The following ST13 variants were observed in gnomAD, a reference collection of about 807,000 sequenced individuals.
ST13 encodes hsc70-interacting protein.
Under a neutral mutation model 56.7 loss-of-function variants are expected in ST13, and 23 were observed. The observed-to-expected ratio is 0.41, with a 90% CI of 0.29 to 0.57. ST13 has a LOEUF of 0.57. Among genes scored for constraint, ST13 ranks in the 20% least tolerant of loss-of-function variants. The pLI, the probability that ST13 is intolerant of heterozygous loss-of-function variation, is 0.36. For synonymous variants in ST13, 132 were observed against 142.4 expected (o/e 0.93, Z 0.52); for missense variants, 369 against 459.9 (o/e 0.80, Z 1.81).
chr22:40,846,243 T>C (rs1265021065), intron 3 of ST13, among the ~76,000 whole-genome samples: 1 of 152,154 alleles, frequency 6.6e-6, no homozygotes, highest in Non-Finnish European at 1.5e-5. Context: ...ACCTCAGGCA[T>C]ACCTCATTTT....
At chr22:40,850,962 CGTTAGACA>C (rs2057858436) in intron 1 of ST13, 82 bp from the exon 2 acceptor site, 1 of 962,954 alleles carries the variant, frequency 1.0e-6, no homozygotes, top group East Asian at 2.6e-5. Context: ...TAAAAAATAA[CGTTAGACA>C]TTTAGATGAC....
At chr22:40,856,013 T>C (rs989316848) in intron 1 of ST13, among the ~76,000 whole-genome samples, 5 of 151,878 alleles carry the variant, frequency 3.3e-5, no homozygotes, top group African/African-American at 1.2e-4. Context: ...TAGTGTTATA[T>C]TATTATAACA....
rs1193878316 is a variant in ST13 at position 40,833,961 on chromosome 22, CTG to C, written c.579-1292_579-1291del. ...AAGTAACTTTTCATAGTTATCTTGA[CTG>C]TATATTTCAAGTGGGATATATATTC... On this transcript the variant is annotated intron_variant, in intron 7 of 11. Transcript: ENST00000216218. 3.3e-5 allele frequency among the ~76,000 whole-genome samples: 5 copies of C among 152,074 alleles called. 1 individual carries two copies. In the South Asian group the frequency reaches 8.3e-4, roughly 25 times the overall value.
intron 4 of ST13, among the ~76,000 whole-genome samples, chr22:40,843,997 C>T (rs1490031185): frequency 6.6e-6 from 1 of 151,896 alleles, no homozygotes; most frequent in South Asian, 2.1e-4. Flanking sequence ...ATTCTCCTGC[C>T]TCAGCCTCCC....
rs2057719624 is a variant in ST13 at position 40,824,681 on chromosome 22, A to T, written c.*1857T>A. On this transcript the variant is annotated 3_prime_UTR_variant, in exon 12 of 12. Transcript: ENST00000216218. Reference sequence around the variant, plus strand: ...ATTAGGTTAAATAAATCAAATAAGGAATCCAGAAGAAACTGTTCTTGAGTT... The same window carrying T: ...ATTAGGTTAAATAAATCAAATAAGGTATCCAGAAGAAACTGTTCTTGAGTT... The T allele has an allele frequency of 6.6e-6, 1 of 152,218 alleles. No homozygotes were observed. The highest frequency in any genetic ancestry group is 1.5e-5 in the Non-Finnish European group (1 of 68,042). The allele number at this position is 152,218 out of a possible 1,614,324, so 9.4% of individuals were successfully genotyped here. A position where few individuals can be genotyped will look rare whatever the true frequency, so the allele number is the denominator to read the frequency against.
intron 4 of ST13, 55 bp downstream of exon 4, chr22:40,844,784 A>G (rs1179200663): frequency 7.1e-7 from 1 of 1,412,422 alleles, no homozygotes; most frequent in Admixed American, 1.7e-5. Context: ...TCATTGCAAC[A>G]GCAGGACCTT....
intron 10 of ST13, among the ~76,000 whole-genome samples, chr22:40,828,603 G>A (rs2057739866): frequency 6.6e-6 from 1 of 151,596 alleles, no homozygotes; most frequent in African/African-American, 2.4e-5. Flanking sequence ...ACAGAGCGAG[G>A]CTCTGTCTCA....
In ST13 at chr22:40,840,610, C is replaced by G; in HGVS notation, c.382+16G>C. 1 of 1,604,596 alleles carries G rather than the reference C, an allele frequency of 6.2e-7. No individual in the cohort carries two copies. Reference sequence around the variant, plus strand: ...TATTCTGACTACCATAGAAATGTAGCAAAAAGATTACTCACCATCATTTAG... The same window carrying G: ...TATTCTGACTACCATAGAAATGTAGGAAAAAGATTACTCACCATCATTTAG... On this transcript the variant is annotated intron_variant, in intron 5 of 11. Coordinates refer to ENST00000216218, the MANE Select transcript of ST13 (RefSeq NM_003932.5).
At chr22:40,849,467 G>T (rs2057849856) in intron 2 of ST13, among the ~76,000 whole-genome samples, 1 of 124,692 alleles carries the variant, frequency 8.0e-6, no homozygotes, top group African/African-American at 3.1e-5. Context: ...GCAACAGAGT[G>T]AGACTCTGTC....
At chr22:40,843,460 T>A in intron 4 of ST13, among the ~76,000 whole-genome samples, 1 of 151,444 alleles carries the variant, frequency 6.6e-6, no homozygotes. Flanking sequence ...AGAAAAAAAA[T>A]AGACAAGCAG....
At chr22:40,840,938 G>A (rs554699552) in intron 4 of ST13, among the ~76,000 whole-genome samples, 13 of 151,882 alleles carry the variant, frequency 8.6e-5, no homozygotes, top group African/African-American at 2.2e-4. Flanking sequence ...TTAACCTTCC[G>A]TCCCAACCAA....
At position 40,838,178 on chromosome 22, in the gene ST13, C is replaced by T. The variant is rs1163890258; in HGVS notation, c.383-2291G>A. On this transcript the variant is annotated intron_variant, in intron 5 of 11. Coordinates refer to ENST00000216218, the MANE Select transcript of ST13 (RefSeq NM_003932.5). Reference sequence around the variant, plus strand: ...AAAGCAGCCACAGTTAAGTGCCAGACGTGGGATTCAAACCATACCACTCTG... The same window carrying T: ...AAAGCAGCCACAGTTAAGTGCCAGATGTGGGATTCAAACCATACCACTCTG... 2.6e-5 allele frequency among the ~76,000 whole-genome samples: 4 copies of T among 152,152 alleles called. No homozygotes were observed. In the East Asian group the frequency reaches 7.7e-4, roughly 29 times the overall value.
chr22:40,833,341 G>A (rs989030745), intron 7 of ST13, among the ~76,000 whole-genome samples: 2 of 149,288 alleles, frequency 1.3e-5, no homozygotes, highest in Admixed American at 6.7e-5. Flanking sequence ...AGGCCGAGGC[G>A]GGCAGAACGC....
chr22:40,831,988 G>T, intron 8 of ST13: 1 of 286,082 alleles, frequency 3.5e-6, no homozygotes, highest in South Asian at 3.3e-5. Flanking sequence ...GAGTAGCTGG[G>T]ACTACGTAGG....
chr22:40,831,669 A>G (rs2145733670), intron 8 of ST13, among the ~76,000 whole-genome samples: 1 of 152,332 alleles, frequency 6.6e-6, no homozygotes, highest in East Asian at 1.9e-4. Flanking sequence ...ATTAAATTCA[A>G]TACAATTCCC....
At chr22:40,850,784 T>C (rs2057857354) in intron 2 of ST13, 39 bp downstream of exon 2, 1 of 1,476,348 alleles carries the variant, frequency 6.8e-7, no homozygotes. Context: ...AATCTTATAG[T>C]ACTTTATCAC....
chr22:40,831,838 T>C (rs2057755264), intron 8 of ST13, among the ~76,000 whole-genome samples: 1 of 152,154 alleles, frequency 6.6e-6, no homozygotes. Context: ...TCAATATTAT[T>C]ATTTTTAAAA....
At chr22:40,849,996 G>A (rs1463902708) in intron 2 of ST13, among the ~76,000 whole-genome samples, 1 of 152,124 alleles carries the variant, frequency 6.6e-6, no homozygotes, top group African/African-American at 2.4e-5. Flanking sequence ...CAGGCATGGT[G>A]GCTCACGCCT....
chr22:40,854,738 G>C (rs1364249974), intron 1 of ST13: 1 of 152,132 alleles, frequency 6.6e-6, no homozygotes, highest in African/African-American at 2.4e-5. Flanking sequence ...ACTTGTCTAC[G>C]TTACCTGGAA....
Sources: gnomAD v4.1 joint callset for allele counts (sites outside exome capture counted in the v4.1 genomes callset) on GRCh38, gnomAD v4.1.1 for gene constraint, MANE v1.5 for transcripts, NCBI Gene and HGNC (gene_info 2026-07-23, HGNC 2026-07-21) for gene names.